CSMD3: variants seen among roughly 807,000 people sequenced by gnomAD.
CSMD3 encodes the protein CUB and Sushi multiple domains 3.
A neutral mutation model predicts 435.2 loss-of-function variants in CSMD3; 177 were observed. The observed-to-expected ratio is 0.41, with a 90% CI of 0.36 to 0.46. The LOEUF (loss-of-function observed/expected upper bound fraction) is 0.46. Among genes scored for constraint, CSMD3 ranks in the 20% least tolerant of loss-of-function variants. The pLI, the probability that CSMD3 is intolerant of heterozygous loss-of-function variation, is 0.34. For synonymous variants in CSMD3, 1,656 were observed against 1,520.5 expected (o/e 1.09, Z -2.07); for missense variants, 4,265 against 4,504.6 (o/e 0.95, Z 1.52).
At chr8:112,331,404 C>G (rs745926275) in intron 45 of CSMD3, among the ~76,000 whole-genome samples, 5 of 151,934 alleles carry the variant, frequency 3.3e-5, no homozygotes, top group Non-Finnish European at 7.4e-5. Context: ...TCAACATTTA[C>G]GCTTGTCCTA....
intron 6 of CSMD3, among the ~76,000 whole-genome samples, chr8:113,016,100 C>T (rs1044045522): frequency 2.0e-5 from 3 of 150,788 alleles, no homozygotes; most frequent in Admixed American, 6.6e-5. Flanking sequence ...AAAGAAGAGA[C>T]AGTAATAAAT....
intron 8 of CSMD3, among the ~76,000 whole-genome samples, chr8:112,952,198 C>A (rs1447242583): frequency 6.6e-6 from 1 of 151,046 alleles, no homozygotes; most frequent in Non-Finnish European, 1.5e-5. Flanking sequence ...CCAAACTCTG[C>A]CCATGAACAC....
chr8:112,376,929 C>A (rs768081537), intron 38 of CSMD3, among the ~76,000 whole-genome samples: 14 of 152,110 alleles, frequency 9.2e-5, no homozygotes, highest in Non-Finnish European at 2.1e-4. Context: ...AGAAAAACCA[C>A]AGTTACCCAA....
chr8:113,113,255 A>T (rs1475542036), intron 4 of CSMD3, among the ~76,000 whole-genome samples: 3 of 152,222 alleles, frequency 2.0e-5, no homozygotes, highest in Non-Finnish European at 4.4e-5. Context: ...GTTTTTAATC[A>T]TAATCCAATC....
At chr8:113,200,969 T>A (rs2092710551) in intron 3 of CSMD3, among the ~76,000 whole-genome samples, 1 of 151,790 alleles carries the variant, frequency 6.6e-6, no homozygotes, top group African/African-American at 2.4e-5. Flanking sequence ...AATTAATTAA[T>A]TAGGTTGAAG....
intron 28 of CSMD3, among the ~76,000 whole-genome samples, chr8:112,515,405 G>C (rs1823567651): frequency 6.6e-6 from 1 of 152,110 alleles, no homozygotes; most frequent in Non-Finnish European, 1.5e-5. Context: ...TTTTAATTTA[G>C]TTGAAAATTT....
rs1200727537 is a variant in CSMD3 at position 112,954,821 on chromosome 8, A to G, written c.1343-60T>C. 5 of 1,070,388 alleles carry G rather than the reference A, an allele frequency of 4.7e-6. No homozygotes were observed. In the African/African-American group the frequency reaches 4.7e-5, roughly 10 times the overall value. 66.3% of individuals were successfully genotyped at this position (1,070,388 alleles called of 1,614,324 possible). On this transcript the variant is annotated intron_variant, in intron 7 of 70. Transcript: ENST00000297405. ...AAATACAATTTTAAAATGAAATTCA[A>G]GTTAACAAATTTTGTTAGCATGGAC...
At chr8:112,368,063 C>T (rs4876469) in intron 38 of CSMD3, among the ~76,000 whole-genome samples, 59,965 of 152,016 alleles carry the variant, frequency 0.39, 13,314 homozygotes, top group Middle Eastern at 0.54. Flanking sequence ...CAAATGGCAG[C>T]GTCAAGATAG....
At chr8:112,374,879 A>G (rs1828797101) in intron 38 of CSMD3, among the ~76,000 whole-genome samples, 1 of 152,214 alleles carries the variant, frequency 6.6e-6, no homozygotes, top group Non-Finnish European at 1.5e-5. Context: ...TGAAGAATCT[A>G]GATAGCTAAC....
At chr8:112,741,893 C>T (rs900504521) in intron 13 of CSMD3, among the ~76,000 whole-genome samples, 3 of 151,538 alleles carry the variant, frequency 2.0e-5, no homozygotes, top group African/African-American at 7.3e-5. Context: ...TTAGAGAAAC[C>T]AGTGGAAAAT....
intron 30 of CSMD3, 32 bp from the exon 31 acceptor site, chr8:112,492,715 C>A (rs2130855213): frequency 2.6e-6 from 4 of 1,558,348 alleles, no homozygotes; most frequent in Non-Finnish European, 3.5e-6. Context: ...ACATTAATTG[C>A]TTTAAAATAC....
At chr8:113,167,694 G>T (rs1040207178) in intron 4 of CSMD3, among the ~76,000 whole-genome samples, 1 of 152,150 alleles carries the variant, frequency 6.6e-6, no homozygotes, top group Non-Finnish European at 1.5e-5. Context: ...TTTTCCTTGT[G>T]GATTGACATC....
At chr8:112,302,533 C>A (rs1821026849) in intron 52 of CSMD3, among the ~76,000 whole-genome samples, 1 of 151,990 alleles carries the variant, frequency 6.6e-6, no homozygotes, top group African/African-American at 2.4e-5. Flanking sequence ...ATAAATTTAA[C>A]TGGCTTGCTG....
chr8:112,724,925 T>A (rs1261624986), intron 13 of CSMD3, among the ~76,000 whole-genome samples: 1 of 152,074 alleles, frequency 6.6e-6, no homozygotes, highest in Non-Finnish European at 1.5e-5. Flanking sequence ...GTAAAAAGTA[T>A]ACAAAGAATC....
chr8:113,008,841 T>C (rs1422578655), intron 6 of CSMD3, among the ~76,000 whole-genome samples: 3 of 151,484 alleles, frequency 2.0e-5, no homozygotes, highest in African/African-American at 7.2e-5. Flanking sequence ...CTATTTATTA[T>C]ATTAATTATA....
At chr8:112,340,286 G>A (rs375716058) in intron 42 of CSMD3, among the ~76,000 whole-genome samples, 4 of 152,262 alleles carry the variant, frequency 2.6e-5, no homozygotes, top group African/African-American at 7.2e-5. Flanking sequence ...AATTCAATGT[G>A]CTGGGAGGTG....
intron 10 of CSMD3, among the ~76,000 whole-genome samples, chr8:112,917,850 G>T (rs996438611): frequency 1.3e-5 from 2 of 151,890 alleles, no homozygotes; most frequent in African/African-American, 2.4e-5. Context: ...TGACCAAACT[G>T]ATTCCCCAGA....
intron 31 of CSMD3, among the ~76,000 whole-genome samples, chr8:112,483,154 T>C (rs1210747390): frequency 6.6e-6 from 1 of 152,170 alleles, no homozygotes. Context: ...CCATTTAGGA[T>C]AGCATGGTAG....
intron 5 of CSMD3, among the ~76,000 whole-genome samples, chr8:113,050,636 T>A (rs1202577752): frequency 1.3e-5 from 2 of 152,060 alleles, no homozygotes; most frequent in African/African-American, 4.8e-5. Flanking sequence ...ATTTTAAAAA[T>A]ATATATTTGT....
Sources: gnomAD v4.1 joint callset for allele counts (sites outside exome capture counted in the v4.1 genomes callset) on GRCh38, gnomAD v4.1.1 for gene constraint, MANE v1.5 for transcripts, NCBI Gene and HGNC (gene_info 2026-07-23, HGNC 2026-07-21) for gene names.